The following MAP3K15 variants were observed in gnomAD, a reference collection of about 807,000 sequenced individuals.
The protein encoded by MAP3K15 is MAPK/ERK kinase kinase 15.
MAP3K15 carries 124 observed loss-of-function variants against 99.5 expected under a neutral mutation model. The observed-to-expected ratio is 1.25, with a 90% CI of 1.08 to 1.45. MAP3K15 has a LOEUF of 1.45. Ranked by LOEUF, MAP3K15 falls within the 40% of genes most tolerant of loss-of-function variation. The probability of loss-of-function intolerance (pLI) is 0.00; values close to 1 mark genes in which losing one functional copy is unlikely to be tolerated. For synonymous variants in MAP3K15, 494 were observed against 439.6 expected (o/e 1.12, Z -1.55); for missense variants, 1,242 against 1,079.7 (o/e 1.15, Z -2.11).
chrX:19,493,483 T>C (rs1024050688), intron 1 of MAP3K15, among the ~76,000 whole-genome samples: 1 of 111,713 alleles, frequency 9.0e-6, no homozygotes, highest in Non-Finnish European at 1.9e-5. Flanking sequence ...TATACCAAAA[T>C]AGTATGCAAC....
intron 6 of MAP3K15, among the ~76,000 whole-genome samples, chrX:19,436,047 G>A (rs1430168014): frequency 2.7e-5 from 3 of 110,177 alleles, no homozygotes; most frequent in Admixed American, 9.7e-5. Flanking sequence ...CCAGCTACTC[G>A]GGAGGCTGAG....
intron 22 of MAP3K15, among the ~76,000 whole-genome samples, chrX:19,372,327 A>T (rs1041221794): frequency 9.0e-6 from 1 of 110,754 alleles, no homozygotes; most frequent in Non-Finnish European, 1.9e-5. Flanking sequence ...TCCAGGACTC[A>T]AAACCGGATC....
At chrX:19,430,444 G>T (rs1361579671) in intron 7 of MAP3K15, among the ~76,000 whole-genome samples, 1 of 111,970 alleles carries the variant, frequency 8.9e-6, no homozygotes, top group Non-Finnish European at 1.9e-5. Context: ...CCCAGGTGAA[G>T]CCAGCAGAAG....
intron 3 of MAP3K15, among the ~76,000 whole-genome samples, chrX:19,474,289 G>A (rs749086828): frequency 3.6e-5 from 4 of 111,226 alleles, no homozygotes; most frequent in African/African-American, 1.3e-4. Flanking sequence ...GCATAGCAAT[G>A]TAGTAAAGAA....
chrX:19,504,829 G>A (rs891643035), intron 1 of MAP3K15, among the ~76,000 whole-genome samples: 2 of 109,696 alleles, frequency 1.8e-5, no homozygotes, highest in African/African-American at 6.6e-5. Flanking sequence ...GGTGGCATGT[G>A]CCTGTAGTCC....
At chrX:19,452,353 AGAG>A (rs1163641459) in intron 6 of MAP3K15, among the ~76,000 whole-genome samples, 1 of 53,621 alleles carries the variant, frequency 1.9e-5, no homozygotes, top group Non-Finnish European at 3.0e-5. Context: ...GAGAAGAGAA[AGAG>A]AAGAGAAGAG....
At chrX:19,459,615 C>T (rs1315409861) in intron 5 of MAP3K15, among the ~76,000 whole-genome samples, 1 of 112,289 alleles carries the variant, frequency 8.9e-6, no homozygotes. Context: ...TTTGGGAGGC[C>T]GAGGCGGGTG....
intron 4 of MAP3K15, among the ~76,000 whole-genome samples, chrX:19,461,992 A>AACACACACACAC (rs66666219): frequency 1.2e-3 from 123 of 100,622 alleles, no homozygotes; most frequent in South Asian, 3.4e-3. Flanking sequence ...CTTGGTCTAA[A>AACACACACACAC]ACACACACAC....
At chrX:19,442,524 ATT>A (rs11349966) in intron 6 of MAP3K15, among the ~76,000 whole-genome samples, 7,340 of 76,878 alleles carry the variant, frequency 0.095, 790 homozygotes, top group African/African-American at 0.31. Context: ...CCATTCAACA[ATT>A]TTTTTTTTTT....
In MAP3K15 at chrX:19,412,683, A is replaced by T. The variant is rs1371672680; in HGVS notation, c.1698+674T>A. Among the ~76,000 whole-genome samples, 3 of 111,600 alleles carry T rather than the reference A, an allele frequency of 2.7e-5. No individual in the cohort carries two copies. The Admixed American group carries it at 2.9e-4, about 11-fold the overall frequency. On this transcript the variant is annotated intron_variant, in intron 11 of 28. Coordinates refer to ENST00000338883, the MANE Select transcript of MAP3K15 (RefSeq NM_001001671.4). ...TTTTATCTGGAAAGCCACAGGATCC[A>T]GTAATAGTTGAGGAATATCAAGAAA...
intron 3 of MAP3K15, among the ~76,000 whole-genome samples, chrX:19,470,641 C>T (rs1016940758): frequency 9.1e-6 from 1 of 109,574 alleles, no homozygotes; most frequent in African/African-American, 3.3e-5. Flanking sequence ...AACAAGTAAA[C>T]AACAAAAACA....
chrX:19,423,196 G>GA lies in MAP3K15; in HGVS notation c.1439+2334dup, dbSNP rs768636191. On this transcript the variant is annotated intron_variant, in intron 9 of 28. Transcript: ENST00000338883. Reference sequence around the variant, plus strand: ...TATAATAAGAAAAAAAGAAAAAAAAGAAAAAAAAAGAACTATAGTACTGTA... The same window carrying GA: ...TATAATAAGAAAAAAAGAAAAAAAAGAAAAAAAAAAGAACTATAGTACTGTA... 4.7e-4 allele frequency among the ~76,000 whole-genome samples: 51 copies of GA among 108,892 alleles called. No homozygotes were observed. In the East Asian group the frequency reaches 0.012, roughly 26 times the overall value. 94.6% of individuals were successfully genotyped at this position (108,892 alleles called of 115,157 possible).
intron 3 of MAP3K15, among the ~76,000 whole-genome samples, chrX:19,473,759 A>G (rs762110155): frequency 2.1e-4 from 24 of 111,800 alleles, no homozygotes; most frequent in African/African-American, 7.5e-4. Flanking sequence ...CATTTCCAGA[A>G]CTACTACCAT....
In MAP3K15 at chrX:19,387,597, G is replaced by C. The variant is rs552955097; in HGVS notation, c.2431+4405C>G. Among the ~76,000 whole-genome samples the C allele has an allele frequency of 2.1e-4, 23 of 110,024 alleles. No homozygotes were observed. In the South Asian group the frequency reaches 8.7e-3, roughly 42 times the overall value. ...AGACGGGGCCTCACTATGTTGGCCA[G>C]GCTGGTCTCAAACTCCTGGGCTCAA... On this transcript the variant is annotated intron_variant, in intron 18 of 28. Coordinates refer to ENST00000338883, the MANE Select transcript of MAP3K15 (RefSeq NM_001001671.4).
chrX:19,450,418 C>A (rs894464001), intron 6 of MAP3K15, among the ~76,000 whole-genome samples: 1 of 109,772 alleles, frequency 9.1e-6, no homozygotes, highest in African/African-American at 3.2e-5. Context: ...AAAAAAATTC[C>A]TCTCTGACTG....
chrX:19,478,334 AC>A (rs1365194172), intron 3 of MAP3K15, among the ~76,000 whole-genome samples: 2 of 104,482 alleles, frequency 1.9e-5, no homozygotes, highest in Admixed American at 1.0e-4. Context: ...TAATAAAAGT[AC>A]TAGAAATCTT....
In MAP3K15 at chrX:19,361,411, A is replaced by G. The variant is rs763556279; in HGVS notation, c.3785T>C (p.Val1262Ala). The G allele has an allele frequency of 1.7e-6, 2 of 1,202,930 alleles. No individual in the cohort carries two copies. The highest frequency in any genetic ancestry group is 3.5e-5 in the African/African-American group (2 of 57,387). ...ATCCGAAAGTGTATAACCCTCTTCA[A>G]CAATCTGAAACAAAGATCAGATCCT... is the stretch of plus-strand genomic sequence containing the variant. ...GADAKTIEKI[V>A]EEGYTLSDIL... The change falls in exon 28 of 29, where the codon GTT becomes GCT. Residue 1262 changes from valine (V) to alanine (A), a missense_variant. Val to Ala is a moderately conservative substitution (Grantham distance 64). Transcript: ENST00000338883.
At chrX:19,385,792 A>T (rs1311839162) in intron 18 of MAP3K15, among the ~76,000 whole-genome samples, 1 of 110,767 alleles carries the variant, frequency 9.0e-6, no homozygotes, top group Non-Finnish European at 1.9e-5. Flanking sequence ...CATACACTAC[A>T]TCAAGAAGAA....
At chrX:19,386,624 C>T (rs780503490) in intron 18 of MAP3K15, among the ~76,000 whole-genome samples, 102 of 111,257 alleles carry the variant, frequency 9.2e-4, no homozygotes, top group Non-Finnish European at 1.4e-3. Flanking sequence ...ACAAGGTGAC[C>T]AAGAGACCCA....
Sources: allele counts gnomAD v4.1 joint callset (sites outside exome capture counted in the v4.1 genomes callset), GRCh38; gene constraint gnomAD v4.1.1; transcripts MANE v1.5; gene names NCBI Gene and HGNC (gene_info 2026-07-23, HGNC 2026-07-21).